The following CDYL2 variants were observed in gnomAD, a reference collection of about 807,000 sequenced individuals.
The protein encoded by CDYL2 is chromodomain Y-like protein 2.
In CDYL2, 23 loss-of-function variants were observed where a neutral mutation model predicts 49.4. The ratio of observed to expected loss-of-function variants is 0.47; its 90% confidence interval spans 0.34 to 0.66. The LOEUF is 0.66. CDYL2 is among the 30% of genes least tolerant of loss of function. CDYL2 has a pLI of 0.01. For missense variants in CDYL2, 678 were observed against 656.4 expected (o/e 1.03, Z -0.36); for synonymous variants, 360 against 268.8 (o/e 1.34, Z -3.32).
intron 2 of CDYL2, among the ~76,000 whole-genome samples, chr16:80,673,078 G>A (rs1395147940): frequency 1.3e-5 from 2 of 152,158 alleles, no homozygotes; most frequent in South Asian, 2.1e-4. Context: ...AGCACTTTGG[G>A]AGGCCGAGGT....
At chr16:80,686,907 T>C (rs1240459225) in intron 1 of CDYL2, among the ~76,000 whole-genome samples, 1 of 152,256 alleles carries the variant, frequency 6.6e-6, no homozygotes, top group Non-Finnish European at 1.5e-5. Context: ...AACAGGTCTT[T>C]TAGATTTATT....
intron 2 of CDYL2, among the ~76,000 whole-genome samples, chr16:80,666,257 C>T (rs9921136): frequency 0.021 from 3,198 of 152,290 alleles, 44 homozygotes; most frequent in Middle Eastern, 0.034. Flanking sequence ...CTCTATGCTA[C>T]CTGCAAAATG....
intron 1 of CDYL2, 81 bp downstream of exon 1, chr16:80,804,069 C>T: frequency 3.2e-6 from 3 of 926,982 alleles, no homozygotes; most frequent in South Asian, 4.8e-5. Context: ...GCCCCGGCCC[C>T]GGCCCGGTCC....
chr16:80,743,541 C>G (rs1905822669), intron 1 of CDYL2, among the ~76,000 whole-genome samples: 1 of 152,198 alleles, frequency 6.6e-6, no homozygotes, highest in Non-Finnish European at 1.5e-5. Flanking sequence ...ACTTGTGTAG[C>G]CACAGGTCTC....
In CDYL2 at chr16:80,633,077, C is replaced by T. The variant is rs1293789196; in HGVS notation, c.776G>A (p.Gly259Glu). ...ACTGGACAGCAGGATGTGCGTGAAC[C>T]CTTCTTCCTTCCGCACAACGATGTC... Reference protein sequence around the residue: ...FRDIVVRKEEGFTHILLSSQT... With the variant: ...FRDIVVRKEEEFTHILLSSQT... Residue 259 changes from glycine to glutamate, a missense_variant, in exon 3 of 7, where the codon GGG (glycine) becomes GAG (glutamate). By Grantham distance (98) the Gly-to-Glu change is moderately conservative. Coordinates refer to ENST00000570137, the MANE Select transcript of CDYL2 (RefSeq NM_152342.4). The T allele has an allele frequency of 6.2e-7, 1 of 1,614,170 alleles. No individual in the cohort carries two copies. The highest frequency in any genetic ancestry group is 1.7e-5 in the Admixed American group (1 of 60,020).
chr16:80,614,572 T>C (rs1271468899), intron 4 of CDYL2, among the ~76,000 whole-genome samples: 1 of 152,128 alleles, frequency 6.6e-6, no homozygotes, highest in Non-Finnish European at 1.5e-5. Context: ...ACTTAACTAA[T>C]ACAAAAGTCG....
chr16:80,776,149 T>C (rs1488813363), intron 1 of CDYL2, among the ~76,000 whole-genome samples: 1 of 152,096 alleles, frequency 6.6e-6, no homozygotes, highest in Non-Finnish European at 1.5e-5. Context: ...AAAGTACATT[T>C]TACTTAGAAA....
intron 2 of CDYL2, among the ~76,000 whole-genome samples, chr16:80,640,570 G>C (rs774110833): frequency 1.1e-4 from 16 of 152,084 alleles, no homozygotes; most frequent in South Asian, 8.3e-4. Context: ...CAAGAATCAA[G>C]ATCATCCAGG....
intron 2 of CDYL2, among the ~76,000 whole-genome samples, chr16:80,640,511 C>T (rs973460960): frequency 6.6e-6 from 1 of 152,032 alleles, no homozygotes; most frequent in Non-Finnish European, 1.5e-5. Context: ...GTGGCGGCTA[C>T]AGGGAGAGAT....
chr16:80,619,905 G>C (rs1027703202), intron 4 of CDYL2, among the ~76,000 whole-genome samples: 1 of 152,182 alleles, frequency 6.6e-6, no homozygotes, highest in Non-Finnish European at 1.5e-5. Flanking sequence ...GCCTCCCTCT[G>C]TGTGGCCCCT....
chr16:80,622,640 A>G (rs1907131889), intron 3 of CDYL2, among the ~76,000 whole-genome samples: 3 of 152,094 alleles, frequency 2.0e-5, no homozygotes, highest in African/African-American at 7.2e-5. Context: ...GTCACACAGA[A>G]ACTCCCTCAT....
intron 1 of CDYL2, among the ~76,000 whole-genome samples, chr16:80,741,865 A>C (rs560108722): frequency 6.6e-6 from 1 of 152,368 alleles, no homozygotes; most frequent in South Asian, 2.1e-4. Context: ...CCTGAAGGAC[A>C]ATTTGGCAAC....
chr16:80,607,761 C>T (rs115188785), intron 6 of CDYL2, among the ~76,000 whole-genome samples: 4,049 of 152,306 alleles, frequency 0.027, 187 homozygotes, highest in African/African-American at 0.091. Context: ...TTATTGGCCG[C>T]TGCTTCTCGT....
At chr16:80,708,422 G>A (rs977280494) in intron 1 of CDYL2, among the ~76,000 whole-genome samples, 2 of 152,136 alleles carry the variant, frequency 1.3e-5, no homozygotes, top group Non-Finnish European at 2.9e-5. Flanking sequence ...CTTGCCTTCT[G>A]CCATGATTGT....
At chr16:80,668,697 G>C (rs1054709119) in intron 2 of CDYL2, among the ~76,000 whole-genome samples, 1 of 152,014 alleles carries the variant, frequency 6.6e-6, no homozygotes, top group Non-Finnish European at 1.5e-5. Context: ...TCAGGAGTTT[G>C]AGACCAGCCT....
At chr16:80,630,442 A>G (rs1195234913) in intron 3 of CDYL2, among the ~76,000 whole-genome samples, 1 of 152,236 alleles carries the variant, frequency 6.6e-6, no homozygotes, top group Non-Finnish European at 1.5e-5. Context: ...TTTTTAGAGC[A>G]CGCTTTTAGA....
intron 1 of CDYL2, among the ~76,000 whole-genome samples, chr16:80,772,928 C>G (rs28887607): frequency 0.067 from 10,141 of 152,072 alleles, 395 homozygotes; most frequent in African/African-American, 0.11. Flanking sequence ...AAAGAAAGCA[C>G]ACAGTGCAAT....
intron 2 of CDYL2, among the ~76,000 whole-genome samples, chr16:80,658,573 G>A (rs1160317962): frequency 6.6e-6 from 1 of 152,164 alleles, no homozygotes; most frequent in Admixed American, 6.5e-5. Context: ...GATTCTCTCT[G>A]TGGAAGAAGA....
chr16:80,657,051 C>T (rs958036134), intron 2 of CDYL2, among the ~76,000 whole-genome samples: 5 of 152,142 alleles, frequency 3.3e-5, no homozygotes, highest in African/African-American at 1.2e-4. Flanking sequence ...GAACGAGAAA[C>T]GAAAACAAAA....
Sources: allele counts gnomAD v4.1 joint callset (sites outside exome capture counted in the v4.1 genomes callset), GRCh38; gene constraint gnomAD v4.1.1; transcripts MANE v1.5; gene names NCBI Gene and HGNC (gene_info 2026-07-23, HGNC 2026-07-21).